The following MTA3 variants were observed in gnomAD, a reference collection of about 807,000 sequenced individuals.
MTA3 encodes the protein metastasis associated 1 family member 3.
MTA3 carries 34 observed loss-of-function variants against 83.5 expected under a neutral mutation model. The observed-to-expected ratio is 0.41, with a 90% CI of 0.31 to 0.54. The LOEUF is 0.54. MTA3 is among the 20% of genes least tolerant of loss of function. The pLI, the probability that MTA3 is intolerant of heterozygous loss-of-function variation, is 0.33. For synonymous variants in MTA3, 303 were observed against 252.7 expected, an observed-to-expected ratio of 1.20 and a Z score of -1.89; for missense variants, 761 against 726.4, an observed-to-expected ratio of 1.05 and a Z score of -0.55.
chr2:42,701,093 G>A (rs1337364055), intron 11 of MTA3, among the ~76,000 whole-genome samples: 1 of 151,718 alleles, frequency 6.6e-6, no homozygotes, highest in Non-Finnish European at 1.5e-5. Flanking sequence ...GTGAGACCCT[G>A]TCTCTAAAAA....
chr2:42,519,143 T>C (rs567707642), intron 2 of MTA3, among the ~76,000 whole-genome samples: 1 of 152,272 alleles, frequency 6.6e-6, no homozygotes, highest in East Asian at 1.9e-4. Flanking sequence ...GTTGATCACA[T>C]GTACCCCTTG....
At chr2:42,746,329 GA>G (rs1014477020) in intron 16 of MTA3, among the ~76,000 whole-genome samples, 19 of 152,206 alleles carry the variant, frequency 1.2e-4, no homozygotes, top group South Asian at 4.2e-4. Context: ...CTATTAAGGG[GA>G]AAAAACACAC....
intron 8 of MTA3, among the ~76,000 whole-genome samples, chr2:42,671,745 G>A (rs1439039477): frequency 6.6e-6 from 1 of 152,136 alleles, no homozygotes. Flanking sequence ...TTGCCTTTGA[G>A]AATGTGGTCA....
chr2:42,704,121 A>G (rs761385745), intron 11 of MTA3, 73 bp from the exon 12 acceptor site: 86 of 1,464,398 alleles, frequency 5.9e-5, no homozygotes, highest in Non-Finnish European at 7.9e-5. Context: ...GTGACGGTAA[A>G]TCAGTAATGA....
In MTA3 at chr2:42,597,631, G is replaced by A. The variant is rs181467195; in HGVS notation, c.191-11827G>A. Among the ~76,000 whole-genome samples, 8 of 148,798 alleles carry A rather than the reference G, an allele frequency of 5.4e-5. No homozygotes were observed. In the East Asian group the frequency reaches 1.2e-3, roughly 22 times the overall value. On this transcript the variant is annotated intron_variant, in intron 3 of 16. Transcript: ENST00000405094. The stretch of plus-strand genomic sequence containing the variant: ...AAACTCCTGACCTTGTGATCTGCCC[G>A]CCTCAGCCTCCCAAAGTGCTGGGAT...
intron 14 of MTA3, among the ~76,000 whole-genome samples, chr2:42,717,111 T>C (rs1264855213): frequency 1.4e-5 from 2 of 146,484 alleles, no homozygotes; most frequent in African/African-American, 5.0e-5. Context: ...TTCGGTTTAA[T>C]AATTTTCAGA....
In MTA3 at chr2:42,568,737, C is replaced by A; in HGVS notation, c.-9C>A. 4 of 1,216,170 alleles carry A rather than the reference C, an allele frequency of 3.3e-6. No individual in the cohort carries two copies. Among genetic ancestry groups the A allele is most frequent in the Middle Eastern group, 6.2e-4 (2 of 3,228 alleles). The allele number at this position is 1,216,170 out of a possible 1,614,324, so 75.3% of individuals were successfully genotyped here. A position where few individuals can be genotyped will look rare whatever the true frequency, so the allele number is the denominator to read the frequency against. On this transcript the variant is annotated 5_prime_UTR_variant, in exon 1 of 17. Transcript: ENST00000405094. ...GCTCGGCTCGGGCTCCGCGGGCGGGCGGGCGGACATGGCGGCCAACATGTA... is the reference window on the plus strand; with the variant it reads ...GCTCGGCTCGGGCTCCGCGGGCGGGAGGGCGGACATGGCGGCCAACATGTA...
chr2:42,512,554 C>T (rs1026266839), intron 2 of MTA3, among the ~76,000 whole-genome samples: 1 of 152,128 alleles, frequency 6.6e-6, no homozygotes, highest in Admixed American at 6.6e-5. Flanking sequence ...GCTTTTTATC[C>T]CCTTTCACTA....
At chr2:42,515,581 C>T (rs146361141) in intron 2 of MTA3, among the ~76,000 whole-genome samples, 3,147 of 151,950 alleles carry the variant, frequency 0.021, 42 homozygotes, top group Non-Finnish European at 0.033. Context: ...TGGCTCACTA[C>T]AACCTCTGCC....
intron 16 of MTA3, among the ~76,000 whole-genome samples, chr2:42,750,584 G>A (rs1236785055): frequency 6.6e-6 from 1 of 152,264 alleles, no homozygotes; most frequent in East Asian, 1.9e-4. Context: ...ATTTTCTCAT[G>A]GGCTTGTCAG....
intron 6 of MTA3, among the ~76,000 whole-genome samples, chr2:42,645,370 C>T (rs916242907): frequency 6.6e-6 from 1 of 151,924 alleles, no homozygotes; most frequent in Non-Finnish European, 1.5e-5. Context: ...ACTAAAAATA[C>T]AAAAACTAGC....
At chr2:42,670,949 T>G (rs975652746) in intron 8 of MTA3, among the ~76,000 whole-genome samples, 5 of 152,078 alleles carry the variant, frequency 3.3e-5, no homozygotes, top group Admixed American at 2.6e-4. Flanking sequence ...TATTCAGATT[T>G]GTTAGTTGTC....
chr2:42,599,708 A>T (rs1309596250), intron 3 of MTA3, among the ~76,000 whole-genome samples: 1 of 152,194 alleles, frequency 6.6e-6, no homozygotes, highest in African/African-American at 2.4e-5. Flanking sequence ...GATATCCCTA[A>T]AGATAACAAA....
At chr2:42,672,600 G>A (rs1230644271) in intron 8 of MTA3, among the ~76,000 whole-genome samples, 9 of 133,322 alleles carry the variant, frequency 6.8e-5, no homozygotes, top group Admixed American at 3.4e-4. Context: ...AGCCGAGATC[G>A]TGCCACTGAA....
chr2:42,709,362 A>G lies in MTA3; in HGVS notation c.1525+266A>G, dbSNP rs952374052. On this transcript the variant is annotated intron_variant, in intron 14 of 16. Coordinates refer to ENST00000405094, the MANE Select transcript of MTA3 (RefSeq NM_001330442.2). ...CAAAAGATTGGTGGGAGGTGATCCT[A>G]TTCCATGGGGTTTTGTGATGGAATT... The G allele has an allele frequency of 7.4e-6, 9 of 1,216,362 alleles. No homozygotes were observed. In the Admixed American group the frequency reaches 3.6e-4, roughly 49 times the overall value. 75.3% of individuals were successfully genotyped at this position (1,216,362 alleles called of 1,614,324 possible). A position where few individuals can be genotyped will look rare whatever the true frequency, so the allele number is the denominator to read the frequency against.
At chr2:42,736,336 C>G (rs1332497450) in intron 16 of MTA3, among the ~76,000 whole-genome samples, 1 of 152,166 alleles carries the variant, frequency 6.6e-6, no homozygotes, top group Non-Finnish European at 1.5e-5. Flanking sequence ...GGGATGATGA[C>G]ACAAGCACCC....
chr2:42,686,077 G>T (rs1692339077), intron 9 of MTA3, among the ~76,000 whole-genome samples: 1 of 152,074 alleles, frequency 6.6e-6, no homozygotes, highest in Admixed American at 6.6e-5. Flanking sequence ...TGAGCACTGA[G>T]CAACTGTGTC....
chr2:42,640,170 CAG>C lies in MTA3; in HGVS notation c.318-2_318-1del. 6.3e-7 allele frequency: 1 copy of C among 1,599,726 alleles called. No individual in the cohort carries two copies. Among genetic ancestry groups the C allele is most frequent in the South Asian group, 1.1e-5 (1 of 88,636 alleles). ...CATTTATTCTTTTTTTCTTTTTCAA[CAG>C]GGGAAAGTGCAGTGTTGCCCTTCTG... On this transcript the variant is annotated splice_acceptor_variant, in intron 4 of 16. Coordinates refer to ENST00000405094, the MANE Select transcript of MTA3 (RefSeq NM_001330442.2). LOFTEE classifies it high-confidence loss of function.
At position 42,755,954 on chromosome 2, in the gene MTA3, A is replaced by G. The variant is rs1223469020; in HGVS notation, c.*2555A>G. The G allele has an allele frequency of 1.0e-6, 1 of 985,406 alleles. No individual in the cohort carries two copies. The highest frequency in any genetic ancestry group is 1.2e-6 in the Non-Finnish European group (1 of 830,004). 61.0% of individuals were successfully genotyped at this position (985,406 alleles called of 1,614,324 possible). ...AGGGCCGACTGGAGGGTGTCGCCGG[A>G]AGGTTTCAGCCTGCCCTTCACAATT... On this transcript the variant is annotated 3_prime_UTR_variant, in exon 17 of 17. Coordinates refer to ENST00000405094, the MANE Select transcript of MTA3 (RefSeq NM_001330442.2).
Sources: allele counts gnomAD v4.1 joint callset (sites outside exome capture counted in the v4.1 genomes callset), GRCh38; gene constraint gnomAD v4.1.1; transcripts MANE v1.5; gene names NCBI Gene and HGNC (gene_info 2026-07-23, HGNC 2026-07-21).